C12orf54: variants seen among roughly 807,000 people sequenced by gnomAD.
The protein encoded by C12orf54 is uncharacterized protein C12orf54.
C12orf54 carries 24 observed loss-of-function variants against 26.4 expected under a neutral mutation model. That is an observed-to-expected ratio of 0.91 (90% confidence interval 0.66 to 1.28). The LOEUF (loss-of-function observed/expected upper bound fraction) is 1.28, where lower values mean the gene tolerates loss of function less well. Ranked by LOEUF, C12orf54 falls within the 50% of genes most tolerant of loss-of-function variation. The pLI, the probability that C12orf54 is intolerant of heterozygous loss-of-function variation, is 0.00. For missense variants in C12orf54, 154 were observed against 150.9 expected (o/e 1.02, Z -0.11); for synonymous variants, 54 against 47.0 (o/e 1.15, Z -0.61).
chr12:48,423,419 A>T, the C12orf54 span, among the ~76,000 whole-genome samples: 1 of 152,132 alleles, frequency 6.6e-6, no homozygotes, highest in Non-Finnish European at 1.5e-5. Context: ...TAAGCAAAAT[A>T]CAAATGCTCC....
chr12:48,461,534 A>C, the C12orf54 span, among the ~76,000 whole-genome samples: 1 of 151,910 alleles, frequency 6.6e-6, no homozygotes, highest in Non-Finnish European at 1.5e-5. Flanking sequence ...TCATAAAAAT[A>C]TTTTATCTGA....
the C12orf54 span, among the ~76,000 whole-genome samples, chr12:48,460,261 T>A: frequency 6.6e-6 from 1 of 152,136 alleles, no homozygotes; most frequent in Non-Finnish European, 1.5e-5. Flanking sequence ...TCATTTCCAG[T>A]TTTGAAACAC....
the C12orf54 span, among the ~76,000 whole-genome samples, chr12:48,462,663 A>G: frequency 6.6e-6 from 1 of 151,744 alleles, no homozygotes; most frequent in South Asian, 2.1e-4. Flanking sequence ...GCATTTGACA[A>G]AATCTAAAAT....
At chr12:48,469,335 C>T in the C12orf54 span, among the ~76,000 whole-genome samples, 46 of 152,316 alleles carry the variant, frequency 3.0e-4, 1 homozygote, top group South Asian at 8.9e-3. Context: ...TTCGTTTTCC[C>T]AGAGTTATTC....
chr12:48,463,640 A>T, the C12orf54 span, among the ~76,000 whole-genome samples: 1 of 152,056 alleles, frequency 6.6e-6, no homozygotes, highest in East Asian at 1.9e-4. Context: ...AGAAAACTTC[A>T]GGCCAATATC....
At chr12:48,461,068 G>A in the C12orf54 span, among the ~76,000 whole-genome samples, 1 of 151,946 alleles carries the variant, frequency 6.6e-6, no homozygotes, top group Non-Finnish European at 1.5e-5. Flanking sequence ...AAAGAAAAGT[G>A]ATGGAAAAAG....
the C12orf54 span, among the ~76,000 whole-genome samples, chr12:48,474,510 G>A: frequency 6.6e-6 from 1 of 152,236 alleles, no homozygotes; most frequent in Admixed American, 6.5e-5. Context: ...AGGGGTGACA[G>A]ATGGCACCTG....
At chr12:48,474,601 C>A in the C12orf54 span, among the ~76,000 whole-genome samples, 1 of 152,270 alleles carries the variant, frequency 6.6e-6, no homozygotes, top group Non-Finnish European at 1.5e-5. Flanking sequence ...ATATCCCACA[C>A]ATGGCTCGGA....
the C12orf54 span, among the ~76,000 whole-genome samples, chr12:48,448,552 A>G: frequency 1.3e-5 from 2 of 152,206 alleles, no homozygotes; most frequent in Non-Finnish European, 2.9e-5. Flanking sequence ...GTTTTGGTTT[A>G]TCTGCATATT....
intron 7 of C12orf54, among the ~76,000 whole-genome samples, chr12:48,494,463 T>C (rs536602898): frequency 7.9e-5 from 12 of 152,224 alleles, no homozygotes; most frequent in Non-Finnish European, 1.5e-4. Flanking sequence ...AACCTTTGCA[T>C]ATGAGGAGCA....
chr12:48,430,934 T>A, the C12orf54 span, among the ~76,000 whole-genome samples: 1 of 150,154 alleles, frequency 6.7e-6, no homozygotes, highest in Non-Finnish European at 1.5e-5. Flanking sequence ...AAAGAAACTG[T>A]GGTATATATA....
chr12:48,422,346 G>C, the C12orf54 span, among the ~76,000 whole-genome samples: 1 of 152,218 alleles, frequency 6.6e-6, no homozygotes, highest in South Asian at 2.1e-4. Context: ...TTAGGATATA[G>C]TTGCTACAGT....
the C12orf54 span, among the ~76,000 whole-genome samples, chr12:48,459,527 C>A: frequency 1.3e-5 from 2 of 152,082 alleles, no homozygotes; most frequent in Non-Finnish European, 2.9e-5. Context: ...TTCCTCCAAG[C>A]CCATCTAGAG....
At chr12:48,440,054 G>T in the C12orf54 span, among the ~76,000 whole-genome samples, 8 of 152,076 alleles carry the variant, frequency 5.3e-5, no homozygotes, top group East Asian at 1.4e-3. Context: ...GCGAAACCCT[G>T]TCTCTACTAA....
At chr12:48,426,493 A>G in the C12orf54 span, among the ~76,000 whole-genome samples, 2 of 152,036 alleles carry the variant, frequency 1.3e-5, no homozygotes, top group Non-Finnish European at 2.9e-5. Flanking sequence ...GTAGCCCTGT[A>G]GTATAGTTTG....
chr12:48,437,986 T>C, the C12orf54 span, among the ~76,000 whole-genome samples: 6,100 of 152,280 alleles, frequency 0.04, 422 homozygotes, highest in African/African-American at 0.14. Flanking sequence ...GATGATATGA[T>C]TGTATACCTA....
At chr12:48,426,673 C>T in the C12orf54 span, among the ~76,000 whole-genome samples, 11 of 152,100 alleles carry the variant, frequency 7.2e-5, no homozygotes, top group Non-Finnish European at 1.6e-4. Context: ...TTCCTTTGAG[C>T]AGTATAGTCA....
At chr12:48,424,861 G>A in the C12orf54 span, among the ~76,000 whole-genome samples, 1 of 152,108 alleles carries the variant, frequency 6.6e-6, no homozygotes, top group Non-Finnish European at 1.5e-5. Context: ...TGAAATTGTA[G>A]CAAAATCAAA....
the C12orf54 span, among the ~76,000 whole-genome samples, chr12:48,429,255 A>G: frequency 2.0e-5 from 3 of 152,064 alleles, no homozygotes; most frequent in Non-Finnish European, 4.4e-5. Context: ...TGAGAATGGG[A>G]ACAAGACAAG....
Sources: gnomAD v4.1 joint callset for allele counts (sites outside exome capture counted in the v4.1 genomes callset) on GRCh38, gnomAD v4.1.1 for gene constraint, MANE v1.5 for transcripts, NCBI Gene and HGNC (gene_info 2026-07-23, HGNC 2026-07-21) for gene names.